PTPRD: variants seen among roughly 807,000 people sequenced by gnomAD.
PTPRD encodes the protein receptor-type tyrosine-protein phosphatase delta.
In PTPRD, 34 loss-of-function variants were observed where a neutral mutation model predicts 214.5. The observed-to-expected ratio is 0.16, with a 90% confidence interval of 0.12 to 0.21. PTPRD has a LOEUF of 0.21. Among genes scored for constraint, PTPRD ranks in the 10% least tolerant of loss-of-function variants. The probability of loss-of-function intolerance (pLI) is 1.00; values close to 1 mark genes in which losing one functional copy is unlikely to be tolerated. For synonymous variants in PTPRD, 1,128 were observed against 845.7 expected (o/e 1.33, Z -5.79); for missense variants, 2,545 against 2,398.7 (o/e 1.06, Z -1.27).
chr9:10,362,464 A>G (rs1449038975), intron 2 of PTPRD, among the ~76,000 whole-genome samples: 3 of 152,078 alleles, frequency 2.0e-5, no homozygotes, highest in African/African-American at 7.2e-5. Context: ...ACAACAAAAG[A>G]ATATGTAGAA....
chr9:9,401,542 C>A, intron 8 of PTPRD, among the ~76,000 whole-genome samples: 1 of 151,858 alleles, frequency 6.6e-6, no homozygotes, highest in Non-Finnish European at 1.5e-5. Context: ...GTTTAAACAG[C>A]CTGAGCCAAA....
chr9:9,223,016 A>G (rs1273056951), intron 9 of PTPRD, among the ~76,000 whole-genome samples: 2 of 152,024 alleles, frequency 1.3e-5, no homozygotes, highest in Non-Finnish European at 2.9e-5. Flanking sequence ...CTGTAACTAT[A>G]TTTTTGGTTT....
At chr9:8,947,244 A>G (rs527666824) in intron 11 of PTPRD, among the ~76,000 whole-genome samples, 6 of 151,626 alleles carry the variant, frequency 4.0e-5, no homozygotes, top group African/African-American at 1.5e-4. Flanking sequence ...TGGGTGGATC[A>G]TGAGGTCAGG....
chr9:9,900,982 T>C lies in PTPRD; in HGVS notation c.-368+37525A>G, dbSNP rs146129431. Among the ~76,000 whole-genome samples, 140 of 152,254 alleles carry C rather than the reference T, an allele frequency of 9.2e-4. 1 individual carries two copies. Among genetic ancestry groups the C allele is most frequent in the African/African-American group, 3.2e-3 (132 of 41,548 alleles). ...TTTTGCATTGTTACAAGGAAATATC[T>C]GAGGCTGAGTTACTTTATAAAGAAA... is the stretch of plus-strand genomic sequence containing the variant. On this transcript the variant is annotated intron_variant, in intron 5 of 45. Transcript: ENST00000381196.
intron 12 of PTPRD, among the ~76,000 whole-genome samples, chr9:8,680,929 G>A (rs528813316): frequency 6.6e-6 from 1 of 152,314 alleles, no homozygotes; most frequent in African/African-American, 2.4e-5. Context: ...GATATGCTGT[G>A]AAAGCAGCAG....
At chr9:8,951,524 C>T (rs1397423232) in intron 11 of PTPRD, among the ~76,000 whole-genome samples, 2 of 151,928 alleles carry the variant, frequency 1.3e-5, no homozygotes, top group Admixed American at 6.6e-5. Context: ...TACTTTGTTA[C>T]CTAGTAGCTG....
chr9:9,170,755 A>T (rs1307178573), intron 10 of PTPRD, among the ~76,000 whole-genome samples: 1 of 152,210 alleles, frequency 6.6e-6, no homozygotes, highest in Non-Finnish European at 1.5e-5. Flanking sequence ...TGATCCATCC[A>T]ACCTAGAGAA....
intron 11 of PTPRD, among the ~76,000 whole-genome samples, chr9:8,852,987 G>C (rs1408820608): frequency 6.6e-6 from 1 of 152,028 alleles, no homozygotes; most frequent in African/African-American, 2.4e-5. Flanking sequence ...CAGTACACAC[G>C]GATGTAATAC....
intron 14 of PTPRD, among the ~76,000 whole-genome samples, chr9:8,552,505 C>T (rs1370840603): frequency 6.6e-6 from 1 of 152,114 alleles, no homozygotes; most frequent in Non-Finnish European, 1.5e-5. Context: ...ACCTTCATTG[C>T]ACTCTTCAGA....
chr9:9,917,164 A>G (rs2081099081), intron 5 of PTPRD, among the ~76,000 whole-genome samples: 1 of 151,276 alleles, frequency 6.6e-6, no homozygotes, highest in Non-Finnish European at 1.5e-5. Flanking sequence ...AGAACAAACT[A>G]AATCCAAAAT....
At chr9:9,892,379 AAAAAT>A (rs1566056596) in intron 5 of PTPRD, among the ~76,000 whole-genome samples, 2 of 152,094 alleles carry the variant, frequency 1.3e-5, no homozygotes, top group African/African-American at 4.8e-5. Flanking sequence ...GTTGATTGAC[AAAAAT>A]GCAAAAACCC....
intron 7 of PTPRD, among the ~76,000 whole-genome samples, chr9:9,584,705 C>T (rs548107346): frequency 6.6e-6 from 1 of 151,930 alleles, no homozygotes; most frequent in Non-Finnish European, 1.5e-5. Flanking sequence ...TTTCATCCCC[C>T]CTTTTCAGTC....
intron 2 of PTPRD, among the ~76,000 whole-genome samples, chr9:10,419,130 T>C (rs555370881): frequency 6.6e-6 from 1 of 152,016 alleles, no homozygotes; most frequent in South Asian, 2.1e-4. Context: ...AGGACAAAAC[T>C]TCATAGCAAT....
intron 35 of PTPRD, among the ~76,000 whole-genome samples, chr9:8,424,813 A>ATGAG (rs200015086): frequency 0.012 from 1,827 of 152,232 alleles, 42 homozygotes; most frequent in African/African-American, 0.042. Context: ...TAGAGGACTG[A>ATGAG]TGAGTGCCTG....
At chr9:10,304,268 TAGTA>T (rs1452645008) in intron 3 of PTPRD, among the ~76,000 whole-genome samples, 11 of 152,090 alleles carry the variant, frequency 7.2e-5, no homozygotes, top group Admixed American at 1.3e-4. Context: ...TATCTCAAAA[TAGTA>T]AGAGCTATTT....
chr9:9,283,851 CAT>C (rs1022596524), intron 9 of PTPRD, among the ~76,000 whole-genome samples: 24 of 151,728 alleles, frequency 1.6e-4, no homozygotes, highest in Admixed American at 1.3e-3. Context: ...CTGAGTACCT[CAT>C]GTTTCCTTGT....
intron 11 of PTPRD, among the ~76,000 whole-genome samples, chr9:8,810,099 T>C (rs2154522316): frequency 6.6e-6 from 1 of 152,354 alleles, no homozygotes; most frequent in East Asian, 1.9e-4. Flanking sequence ...CGTTTACTAC[T>C]GCAGGGCTGT....
chr9:8,616,844 T>C lies in PTPRD; in HGVS notation c.352+16473A>G, dbSNP rs535078268. Among the ~76,000 whole-genome samples the C allele has an allele frequency of 2.6e-5, 4 of 152,282 alleles. No homozygotes were observed. In the South Asian group the frequency reaches 8.3e-4, roughly 32 times the overall value. ...AAAAATACTAATAATTTAACTATGC[T>C]ATTAATCCTGCTGAAGTGATTATGC... On this transcript the variant is annotated intron_variant, in intron 14 of 45. Transcript: ENST00000381196.
intron 11 of PTPRD, among the ~76,000 whole-genome samples, chr9:8,917,680 A>G (rs2098796701): frequency 6.6e-6 from 1 of 152,098 alleles, no homozygotes; most frequent in African/African-American, 2.4e-5. Flanking sequence ...TTCTGAATAT[A>G]ATGGACTATA....
Sources: gnomAD v4.1 joint callset for allele counts (sites outside exome capture counted in the v4.1 genomes callset) on GRCh38, gnomAD v4.1.1 for gene constraint, MANE v1.5 for transcripts, NCBI Gene and HGNC (gene_info 2026-07-23, HGNC 2026-07-21) for gene names.